Variants in COL10A1 observed in about 807,000 individuals in gnomAD.
COL10A1 encodes collagen alpha-1(X) chain.
A neutral mutation model predicts 18.2 loss-of-function variants in COL10A1; 10 were observed. The observed-to-expected ratio is 0.55, with a 90% confidence interval of 0.34 to 0.93. The LOEUF is 0.93. Ranked by LOEUF, COL10A1 falls within the 40% of genes least tolerant of loss-of-function variation. COL10A1 has a pLI of 0.02. For synonymous variants in COL10A1, 330 were observed against 316.6 expected (o/e 1.04, Z -0.45); for missense variants, 897 against 853.5 (o/e 1.05, Z -0.64).
intron 1 of COL10A1, among the ~76,000 whole-genome samples, chr6:116,148,559 A>T (rs937500545): frequency 1.3e-5 from 2 of 152,182 alleles, no homozygotes; most frequent in African/African-American, 4.8e-5. Flanking sequence ...GAATGTGAAC[A>T]TGTTAATTAA....
chr6:116,128,185 G>T (rs150160529), upstream of COL10A1, among the ~76,000 whole-genome samples: 1,517 of 152,206 alleles, frequency 1.0e-2, 13 homozygotes, highest in Non-Finnish European at 0.015. Context: ...GGAAAATGTG[G>T]TGTCCTTATT....
At chr6:116,123,004 T>A (rs1307614502) in intron 2 of COL10A1, among the ~76,000 whole-genome samples, 1 of 152,192 alleles carries the variant, frequency 6.6e-6, no homozygotes, top group Non-Finnish European at 1.5e-5. Flanking sequence ...TTATATTATG[T>A]ATAAGTGGAT....
At chr6:116,135,911 C>G (rs958696078) in intron 1 of COL10A1, among the ~76,000 whole-genome samples, 3 of 144,782 alleles carry the variant, frequency 2.1e-5, no homozygotes, top group African/African-American at 7.7e-5. Context: ...TTACCACAAT[C>G]AAGCTAATTA....
intron 2 of COL10A1, 79 bp downstream of exon 2, chr6:116,125,260 A>G (rs1438599655): frequency 1.3e-5 from 20 of 1,514,782 alleles, no homozygotes; most frequent in South Asian, 1.1e-4. Context: ...AGTTAAATGC[A>G]TTTTGTTAAA....
chr6:116,134,565 G>C (rs984421970), intron 1 of COL10A1, among the ~76,000 whole-genome samples: 1 of 152,156 alleles, frequency 6.6e-6, no homozygotes, highest in African/African-American at 2.4e-5. Context: ...GTTTATTGAG[G>C]TGGATGGTTT....
chr6:116,194,224 T>C, the COL10A1 span, among the ~76,000 whole-genome samples: 1 of 152,102 alleles, frequency 6.6e-6, no homozygotes, highest in Non-Finnish European at 1.5e-5. Context: ...ATTTGATCTT[T>C]ATTCTAGTAA....
the COL10A1 span, among the ~76,000 whole-genome samples, chr6:116,178,052 A>AGTGTGTATGTGT: frequency 1.5e-5 from 2 of 136,318 alleles, no homozygotes; most frequent in African/African-American, 5.5e-5. Flanking sequence ...CAAAGAGGAA[A>AGTGTGTATGTGT]GTGTGTGTGT....
intron 1 of COL10A1, among the ~76,000 whole-genome samples, chr6:116,132,385 G>A (rs1366027097): frequency 6.6e-6 from 1 of 151,716 alleles, no homozygotes; most frequent in Non-Finnish European, 1.5e-5. Context: ...TACTTTTCCT[G>A]TACATGTTCT....
At chr6:116,191,595 G>A in the COL10A1 span, among the ~76,000 whole-genome samples, 104 of 152,084 alleles carry the variant, frequency 6.8e-4, 2 homozygotes, top group East Asian at 8.5e-3. Flanking sequence ...CTCAAGGTAC[G>A]TGATACCACC....
intron 1 of COL10A1, among the ~76,000 whole-genome samples, chr6:116,133,935 C>T (rs1403127722): frequency 6.6e-6 from 1 of 151,882 alleles, no homozygotes; most frequent in African/African-American, 2.4e-5. Context: ...GTTTTTTTCC[C>T]CCAGTGATCT....
chr6:116,190,595 TG>T, the COL10A1 span, among the ~76,000 whole-genome samples: 1 of 152,022 alleles, frequency 6.6e-6, no homozygotes, highest in African/African-American at 2.4e-5. Flanking sequence ...ACAGTGGTTG[TG>T]GGGGTAAACA....
chr6:116,137,756 T>C (rs1779648411), intron 1 of COL10A1, among the ~76,000 whole-genome samples: 1 of 152,184 alleles, frequency 6.6e-6, no homozygotes, highest in East Asian at 1.9e-4. Context: ...GGAAAACCAG[T>C]TATCTTTTAG....
At chr6:116,213,879 C>T in the COL10A1 span, among the ~76,000 whole-genome samples, 1 of 151,910 alleles carries the variant, frequency 6.6e-6, no homozygotes. Flanking sequence ...GTGCCAAGCA[C>T]TATGAGATGG....
chr6:116,121,496 G>T lies in COL10A1; in HGVS notation c.620C>A (p.Pro207His). ...GRPGERGLPG[P>H]QGPTGPSGPP... ...GCCAGATGGTCCTGTGGGACCCTGA[G>T]GGCCTGGAAGACCCCTCTCACCTGG... The change falls in exon 3 of 3, where the codon CCT becomes CAT. Residue 207 changes from proline (P) to histidine (H), a missense_variant. By Grantham distance (77) the Pro-to-His change is moderately conservative. Transcript: ENST00000651968. 6.2e-7 allele frequency: 1 copy of T among 1,614,120 alleles called. No homozygotes were observed. Among genetic ancestry groups the T allele is most frequent in the South Asian group, 1.1e-5 (1 of 91,078 alleles).
the COL10A1 span, among the ~76,000 whole-genome samples, chr6:116,185,157 G>A: frequency 1.3e-5 from 2 of 152,004 alleles, no homozygotes; most frequent in Non-Finnish European, 2.9e-5. Context: ...TAATTTCCAT[G>A]TATTTGCATG....
the COL10A1 span, among the ~76,000 whole-genome samples, chr6:116,190,399 T>G: frequency 3.3e-5 from 5 of 151,950 alleles, no homozygotes; most frequent in South Asian, 4.1e-4. Context: ...GTTAGTAGAC[T>G]TAGAAACAGA....
chr6:116,204,277 C>T, the COL10A1 span, among the ~76,000 whole-genome samples: 4 of 151,832 alleles, frequency 2.6e-5, no homozygotes, highest in African/African-American at 9.7e-5. Flanking sequence ...CAGTTGAATA[C>T]AACAAATTGC....
At chr6:116,192,489 A>G in the COL10A1 span, among the ~76,000 whole-genome samples, 1 of 152,044 alleles carries the variant, frequency 6.6e-6, no homozygotes, top group Non-Finnish European at 1.5e-5. Context: ...TGAAATGGAC[A>G]TTTTATGTTG....
At chr6:116,189,160 T>C in the COL10A1 span, among the ~76,000 whole-genome samples, 2 of 151,966 alleles carry the variant, frequency 1.3e-5, no homozygotes, top group African/African-American at 4.8e-5. Context: ...TGAATTTTGT[T>C]CTTTTTTTTA....
Sources: gnomAD v4.1 joint callset for allele counts (sites outside exome capture counted in the v4.1 genomes callset) on GRCh38, gnomAD v4.1.1 for gene constraint, MANE v1.5 for transcripts, NCBI Gene and HGNC (gene_info 2026-07-23, HGNC 2026-07-21) for gene names.